Variants in ZNF804B observed in about 807,000 individuals in gnomAD.
ZNF804B encodes the protein zinc finger protein 804B.
A neutral mutation model predicts 101.4 loss-of-function variants in ZNF804B; 80 were observed. The observed-to-expected ratio is 0.79, with a 90% CI of 0.66 to 0.95. ZNF804B has a LOEUF of 0.95. Among genes scored for constraint, ZNF804B ranks in the 40% least tolerant of loss-of-function variants. The pLI, the probability that ZNF804B is intolerant of heterozygous loss-of-function variation, is 0.00. For missense variants in ZNF804B, 1,673 were observed against 1,561.9 expected (o/e 1.07, Z -1.20); for synonymous variants, 622 against 558.8 (o/e 1.11, Z -1.59).
chr7:89,006,758 A>T (rs1279396859), intron 1 of ZNF804B, among the ~76,000 whole-genome samples: 1 of 152,176 alleles, frequency 6.6e-6, no homozygotes, highest in Non-Finnish European at 1.5e-5. Flanking sequence ...GCATATTTTC[A>T]GGAGAGGCTT....
intron 2 of ZNF804B, among the ~76,000 whole-genome samples, chr7:89,313,707 A>C (rs1392553565): frequency 6.6e-6 from 1 of 152,228 alleles, no homozygotes; most frequent in African/African-American, 2.4e-5. Context: ...GATACTTCAT[A>C]AATATATTTT....
At chr7:88,967,435 A>T (rs1793472067) in intron 1 of ZNF804B, among the ~76,000 whole-genome samples, 1 of 151,722 alleles carries the variant, frequency 6.6e-6, no homozygotes, top group African/African-American at 2.4e-5. Flanking sequence ...CCTTCCCCCA[A>T]CACTGGGAAT....
intron 1 of ZNF804B, among the ~76,000 whole-genome samples, chr7:88,822,818 T>C (rs1791001876): frequency 6.6e-6 from 1 of 152,224 alleles, no homozygotes; most frequent in African/African-American, 2.4e-5. Flanking sequence ...TCCATTATTT[T>C]GACAGAGTCC....
chr7:89,319,576 C>A (rs1170874176), intron 2 of ZNF804B, among the ~76,000 whole-genome samples: 1 of 152,134 alleles, frequency 6.6e-6, no homozygotes, highest in Admixed American at 6.6e-5. Context: ...AGCCTGTTTA[C>A]GCGTGAAAAC....
intron 2 of ZNF804B, among the ~76,000 whole-genome samples, chr7:89,247,657 A>G (rs1789471321): frequency 6.6e-6 from 1 of 152,174 alleles, no homozygotes; most frequent in African/African-American, 2.4e-5. Context: ...CCTAGTCTCC[A>G]GATGACAAGG....
chr7:89,080,110 A>T (rs1315101784), intron 1 of ZNF804B, among the ~76,000 whole-genome samples: 1 of 151,914 alleles, frequency 6.6e-6, no homozygotes, highest in Non-Finnish European at 1.5e-5. Context: ...ATTAGAAGGC[A>T]TTGCAATAAT....
chr7:88,857,221 C>T (rs183975065), intron 1 of ZNF804B, among the ~76,000 whole-genome samples: 1 of 152,054 alleles, frequency 6.6e-6, no homozygotes, highest in Non-Finnish European at 1.5e-5. Context: ...CAAGAGCAAA[C>T]ACATTCAAAA....
chr7:88,897,359 C>G (rs973744297), intron 1 of ZNF804B, among the ~76,000 whole-genome samples: 4 of 152,098 alleles, frequency 2.6e-5, no homozygotes, highest in African/African-American at 9.7e-5. Flanking sequence ...CCTTAAAGAC[C>G]ATGGAAGGGG....
chr7:89,171,417 TCTC>T lies in ZNF804B; in HGVS notation c.109-46735_109-46733del, dbSNP rs56234548. ...TTCCTCTTCTTCTTCTTCTTCTTCTTCTCCTTCTCCTTCTCCTTCTCCTTCTTC... is the reference window on the plus strand; with the variant it reads ...TTCCTCTTCTTCTTCTTCTTCTTCTTCTTCTCCTTCTCCTTCTCCTTCTTC... On this transcript the variant is annotated intron_variant, in intron 1 of 3. Coordinates refer to ENST00000333190, the MANE Select transcript of ZNF804B (RefSeq NM_181646.5). Among the ~76,000 whole-genome samples the T allele has an allele frequency of 8.1e-4, 76 of 93,616 alleles. 3 individuals carry two copies. Among genetic ancestry groups the T allele is most frequent in the African/African-American group, 1.8e-3 (45 of 24,840 alleles). The allele number at this position is 93,616 out of a possible 152,430, so 61.4% of individuals were successfully genotyped here.
intron 1 of ZNF804B, among the ~76,000 whole-genome samples, chr7:88,984,696 C>G (rs1793735937): frequency 6.6e-6 from 1 of 151,934 alleles, no homozygotes; most frequent in South Asian, 2.1e-4. Flanking sequence ...TTGACTCAGG[C>G]CAAATACATT....
At chr7:88,772,346 G>T (rs1790082696) in intron 1 of ZNF804B, among the ~76,000 whole-genome samples, 1 of 152,094 alleles carries the variant, frequency 6.6e-6, no homozygotes, top group South Asian at 2.1e-4. Flanking sequence ...TGGATTTGTT[G>T]TTGTTTTTAT....
intron 1 of ZNF804B, among the ~76,000 whole-genome samples, chr7:89,159,733 C>T (rs1791030751): frequency 6.6e-6 from 1 of 152,130 alleles, no homozygotes; most frequent in African/African-American, 2.4e-5. Context: ...ATAAGATACA[C>T]AGCTCTCACT....
At chr7:89,240,289 ACT>A (rs1015118387) in intron 2 of ZNF804B, among the ~76,000 whole-genome samples, 97 of 151,694 alleles carry the variant, frequency 6.4e-4, no homozygotes, top group African/African-American at 2.1e-3. Flanking sequence ...GCTTCCTCAA[ACT>A]CTTGTGGGTT....
Position 89,113,924 on chromosome 7 carries a change from T to TA in ZNF804B, c.109-104219dup, listed in dbSNP as rs949747151. Among the ~76,000 whole-genome samples, 348 of 135,332 alleles carry TA rather than the reference T, an allele frequency of 2.6e-3. 1 individual carries two copies. Among genetic ancestry groups the TA allele is most frequent in the South Asian group, 8.5e-3 (36 of 4,232 alleles). 88.8% of individuals were successfully genotyped at this position (135,332 alleles called of 152,430 possible). On this transcript the variant is annotated intron_variant, in intron 1 of 3. Transcript: ENST00000333190. Reference sequence around the variant, plus strand: ...AGATCGTGCCACTGCACTCCAGCCATAAAAAAAAAAAAGGGAACACATTTT... The same window carrying TA: ...AGATCGTGCCACTGCACTCCAGCCATAAAAAAAAAAAAAGGGAACACATTTT...
chr7:89,212,905 T>C (rs1472554118), intron 1 of ZNF804B, among the ~76,000 whole-genome samples: 4 of 152,120 alleles, frequency 2.6e-5, no homozygotes, highest in African/African-American at 9.7e-5. Flanking sequence ...TATTTTGGGG[T>C]GGCATATTCT....
Position 89,334,705 on chromosome 7 carries a change from A to T in ZNF804B, c.1723A>T (p.Met575Leu). 1 of 1,613,750 alleles carries T rather than the reference A, an allele frequency of 6.2e-7. No individual in the cohort carries two copies. The highest frequency in any genetic ancestry group is 8.5e-7 in the Non-Finnish European group (1 of 1,179,832). ...TACTTTCAGTGCAAATGATTTGGAAATGAAAAATCCTAAAGTGCCTCTTTA... is the reference window on the plus strand; with the variant it reads ...TACTTTCAGTGCAAATGATTTGGAATTGAAAAATCCTAAAGTGCCTCTTTA... ...EYTFSANDLE[M>L]KNPKVPLYLN... The change falls in exon 4 of 4, where the codon ATG becomes TTG. Residue 575 changes from methionine (M) to leucine (L), a missense_variant. By Grantham distance (15) the Met-to-Leu change is conservative. Transcript: ENST00000333190.
Position 89,334,825 on chromosome 7 carries a change from A to G in ZNF804B, c.1843A>G (p.Lys615Glu). ...ASRAHWQGCRKAVLNDIDEDL... is the reference protein window; with the variant it reads ...ASRAHWQGCREAVLNDIDEDL... ...AAGGGCCCATTGGCAAGGCTGCAGAAAGGCAGTTCTAAATGATATAGATGA... is the reference window on the plus strand; with the variant it reads ...AAGGGCCCATTGGCAAGGCTGCAGAGAGGCAGTTCTAAATGATATAGATGA... Residue 615 changes from lysine to glutamate, a missense_variant, in exon 4 of 4, where the codon AAG becomes GAG. By Grantham distance (56) the Lys-to-Glu change is moderately conservative. Transcript: ENST00000333190. The G allele has an allele frequency of 6.2e-7, 1 of 1,613,862 alleles. No homozygotes were observed. Among genetic ancestry groups the G allele is most frequent in the Non-Finnish European group, 8.5e-7 (1 of 1,179,868 alleles).
chr7:88,984,205 C>T (rs377456171), intron 1 of ZNF804B, among the ~76,000 whole-genome samples: 8 of 152,130 alleles, frequency 5.3e-5, no homozygotes, highest in African/African-American at 1.9e-4. Flanking sequence ...TGAAAACTGT[C>T]TGCTTAAGTA....
intron 2 of ZNF804B, among the ~76,000 whole-genome samples, chr7:89,226,312 A>T (rs1264762911): frequency 6.6e-6 from 1 of 152,142 alleles, no homozygotes; most frequent in Non-Finnish European, 1.5e-5. Flanking sequence ...ATGTATAAGG[A>T]TATTTAAACT....
Sources: gnomAD v4.1 joint callset for allele counts (sites outside exome capture counted in the v4.1 genomes callset) on GRCh38, gnomAD v4.1.1 for gene constraint, MANE v1.5 for transcripts, NCBI Gene and HGNC (gene_info 2026-07-23, HGNC 2026-07-21) for gene names.